The following RORA variants were observed in gnomAD, a reference collection of about 807,000 sequenced individuals.
RORA encodes nuclear receptor ROR-alpha.
RORA carries 7 observed loss-of-function variants against 69.5 expected under a neutral mutation model. The ratio of observed to expected loss-of-function variants is 0.10; its 90% CI spans 0.06 to 0.19. RORA has a LOEUF of 0.19. Ranked by LOEUF, RORA falls within the 10% of genes least tolerant of loss-of-function variation. RORA has a pLI of 1.00. For synonymous variants in RORA, 261 were observed against 240.8 expected (o/e 1.08, Z -0.78); for missense variants, 457 against 663.0 (o/e 0.69, Z 3.41).
chr15:60,592,379 G>A, intron 2 of RORA: 1 of 1,421,570 alleles, frequency 7.0e-7, no homozygotes, highest in Non-Finnish European at 9.3e-7. Flanking sequence ...CGGGGCGCCC[G>A]GGCTCACCTT....
chr15:60,826,704 C>A (rs2072963749), intron 1 of RORA, among the ~76,000 whole-genome samples: 2 of 147,750 alleles, frequency 1.4e-5, no homozygotes, highest in Non-Finnish European at 3.0e-5. Flanking sequence ...CTGAAAATGA[C>A]TGGTACTTTC....
rs911864083 is a variant in RORA, at chr15:60,496,862, T to C, written c.*593A>G. The C allele has an allele frequency of 1.3e-5, 2 of 152,210 alleles. No homozygotes were observed. The highest frequency in any genetic ancestry group is 2.9e-5 in the Non-Finnish European group (2 of 68,048). The allele number at this position is 152,210 out of a possible 1,614,324, so 9.4% of individuals were successfully genotyped here. ...CTACATTTTATATTACTTAAAACAA[T>C]ATATAAACAATATCTCTTTTAGCTA... On this transcript the variant is annotated 3_prime_UTR_variant, in exon 11 of 11. Coordinates refer to ENST00000335670, the MANE Select transcript of RORA (RefSeq NM_134261.3). The surrounding 1 kb of genome is among the most constrained non-coding windows in gnomAD (Gnocchi z 4.5).
intron 1 of RORA, among the ~76,000 whole-genome samples, chr15:60,838,555 T>C (rs2073149862): frequency 6.6e-6 from 1 of 152,182 alleles, no homozygotes; most frequent in Admixed American, 6.5e-5. Context: ...AGACCCCTCT[T>C]TCTGAAGTTT....
At chr15:60,691,041 C>T (rs1027358962) in intron 1 of RORA, among the ~76,000 whole-genome samples, 6 of 152,196 alleles carry the variant, frequency 3.9e-5, no homozygotes, top group Non-Finnish European at 7.3e-5. Flanking sequence ...CTCTGTCTCA[C>T]CCATCTCATT....
At chr15:61,101,634 T>C (rs1595987915) in intron 1 of RORA, among the ~76,000 whole-genome samples, 1 of 152,024 alleles carries the variant, frequency 6.6e-6, no homozygotes, top group East Asian at 1.9e-4. Flanking sequence ...CACAAGGCCT[T>C]GTAAACCTGG....
At chr15:61,070,644 A>T (rs910105024) in intron 1 of RORA, among the ~76,000 whole-genome samples, 3 of 152,350 alleles carry the variant, frequency 2.0e-5, no homozygotes, top group Admixed American at 6.5e-5. Flanking sequence ...CAAAAAAGCA[A>T]TGTTAGCTTA....
At chr15:60,625,939 A>C (rs2069565110) in intron 2 of RORA, among the ~76,000 whole-genome samples, 1 of 152,236 alleles carries the variant, frequency 6.6e-6, no homozygotes, top group South Asian at 2.1e-4. Context: ...CTGATTAAAC[A>C]ACAAAGTGAA....
chr15:61,148,473 G>A (rs1471841209), intron 1 of RORA, among the ~76,000 whole-genome samples: 3 of 152,090 alleles, frequency 2.0e-5, no homozygotes, highest in East Asian at 1.9e-4. Flanking sequence ...GCATCACCCC[G>A]CTCACCATCA....
intron 1 of RORA, among the ~76,000 whole-genome samples, chr15:61,016,286 G>A (rs962016520): frequency 3.9e-5 from 6 of 152,152 alleles, no homozygotes; most frequent in South Asian, 2.1e-4. Flanking sequence ...CCTGGCATTC[G>A]AGAAGCTCCT....
chr15:61,046,334 G>C (rs1429490153), intron 1 of RORA, among the ~76,000 whole-genome samples: 1 of 152,178 alleles, frequency 6.6e-6, no homozygotes, highest in South Asian at 2.1e-4. Context: ...GCAAAACATG[G>C]TCAGCTCTTT....
At chr15:60,829,038 C>T (rs1258050890) in intron 1 of RORA, among the ~76,000 whole-genome samples, 1 of 152,136 alleles carries the variant, frequency 6.6e-6, no homozygotes, top group Non-Finnish European at 1.5e-5. Context: ...CCCCATGGGT[C>T]GGGGGGAGTG....
rs1201922977 is a variant in RORA, at chr15:60,490,350, T to A, written c.*7105A>T. ...TCTAAACAGCTATGTCTAAAATAGA[T>A]TATATAGTAAAACCGGTATTATACA... On this transcript the variant is annotated 3_prime_UTR_variant, in exon 11 of 11. Coordinates refer to ENST00000335670, the MANE Select transcript of RORA (RefSeq NM_134261.3). This position sits in a 1 kb window ranked among gnomAD's most constrained non-coding sequence, Gnocchi z 4.1. 1 of 152,086 alleles carries A rather than the reference T, an allele frequency of 6.6e-6. No homozygotes were observed. The highest frequency in any genetic ancestry group is 1.5e-5 in the Non-Finnish European group (1 of 68,000). 9.4% of individuals were successfully genotyped at this position (152,086 alleles called of 1,614,324 possible). A position where few individuals can be genotyped will look rare whatever the true frequency, so the allele number is the denominator to read the frequency against.
At chr15:60,497,813 C>G (rs1294913580) in intron 10 of RORA, among the ~76,000 whole-genome samples, 194 bp from the exon 11 acceptor site, 2 of 152,004 alleles carry the variant, frequency 1.3e-5, no homozygotes, top group African/African-American at 4.8e-5. Context: ...AATTCTAGCA[C>G]TTTGGGAGGC....
chr15:60,928,628 C>A lies in RORA; in HGVS notation c.167-249942G>T, dbSNP rs192844654. 7.6e-4 allele frequency among the ~76,000 whole-genome samples: 116 copies of A among 152,276 alleles called. 1 individual carries two copies. The East Asian group carries it at 0.02, about 26-fold the overall frequency. Reference sequence around the variant, plus strand: ...ATACCCCTTAGAACTGAAAAAGACTCTGAGTTTGTCCAATTCGACTCCCTC... The same window carrying A: ...ATACCCCTTAGAACTGAAAAAGACTATGAGTTTGTCCAATTCGACTCCCTC... On this transcript the variant is annotated intron_variant, in intron 1 of 10. Transcript: ENST00000335670.
intron 1 of RORA, among the ~76,000 whole-genome samples, chr15:61,059,864 A>G (rs544390989): frequency 6.6e-6 from 1 of 151,834 alleles, no homozygotes; most frequent in East Asian, 1.9e-4. Context: ...TTAAAATGTA[A>G]AGGATGGAAA....
At chr15:60,836,663 G>A (rs895438813) in intron 1 of RORA, among the ~76,000 whole-genome samples, 2 of 152,116 alleles carry the variant, frequency 1.3e-5, no homozygotes, top group African/African-American at 2.4e-5. Context: ...CAGCCTTCTT[G>A]CCTAACCTAC....
chr15:61,177,965 A>C (rs1469447441), intron 1 of RORA, among the ~76,000 whole-genome samples: 1 of 144,754 alleles, frequency 6.9e-6, no homozygotes, highest in Non-Finnish European at 1.5e-5. Flanking sequence ...CCATCTCAAC[A>C]AAAAAAAAAA....
intron 1 of RORA, among the ~76,000 whole-genome samples, chr15:60,948,843 T>C (rs1167822801): frequency 2.6e-5 from 4 of 152,190 alleles, no homozygotes; most frequent in Non-Finnish European, 5.9e-5. Flanking sequence ...CCTGTTTCTA[T>C]TCTCTCCTGG....
chr15:61,027,048 CA>C (rs1294166912), intron 1 of RORA, among the ~76,000 whole-genome samples: 1 of 151,510 alleles, frequency 6.6e-6, no homozygotes, highest in East Asian at 1.9e-4. Flanking sequence ...GCAGCTTCAA[CA>C]GCATTTATCA....
Sources: gnomAD v4.1 joint callset for allele counts (sites outside exome capture counted in the v4.1 genomes callset) on GRCh38, gnomAD v4.1.1 for gene constraint, Gnocchi (gnomAD v3.1) non-coding constraint, MANE v1.5 for transcripts, NCBI Gene and HGNC (gene_info 2026-07-23, HGNC 2026-07-21) for gene names.